The following SPAG6 variants were observed in gnomAD, a reference collection of about 807,000 sequenced individuals.
SPAG6 encodes the protein sperm-associated antigen 6.
A neutral mutation model predicts 58.5 loss-of-function variants in SPAG6; 49 were observed. The observed-to-expected ratio is 0.84, with a 90% confidence interval of 0.67 to 1.06. SPAG6 has a LOEUF of 1.06. Ranked by LOEUF, SPAG6 falls within the 50% of genes least tolerant of loss-of-function variation. SPAG6 has a pLI of 0.00. For missense variants in SPAG6, 560 were observed against 611.3 expected, an observed-to-expected ratio of 0.92 and a Z score of 0.89; for synonymous variants, 233 against 225.6, an observed-to-expected ratio of 1.03 and a Z score of -0.29.
chr10:22,404,738 T>C (rs1171079422), intron 9 of SPAG6, among the ~76,000 whole-genome samples: 1 of 145,040 alleles, frequency 6.9e-6, no homozygotes, highest in East Asian at 2.0e-4. Context: ...GTATGGCCAT[T>C]TTCACAATAT....
intron 2 of SPAG6, among the ~76,000 whole-genome samples, chr10:22,350,106 CTT>C (rs754220965): frequency 4.2e-5 from 6 of 142,752 alleles, no homozygotes; most frequent in Non-Finnish European, 6.2e-5. Context: ...TTAAATTTGA[CTT>C]TTTTTTTTTT....
rs561154330 is a variant in SPAG6 at position 22,354,534 on chromosome 10, A to G, written c.121+8716A>G. 1.0e-3 allele frequency among the ~76,000 whole-genome samples: 153 copies of G among 152,336 alleles called. 1 individual carries two copies. Among genetic ancestry groups the G allele is most frequent in the Non-Finnish European group, 1.1e-3 (76 of 68,024 alleles). On this transcript the variant is annotated intron_variant, in intron 2 of 10. Coordinates refer to ENST00000376624, the MANE Select transcript of SPAG6 (RefSeq NM_012443.4). ...AGAAAGATTTGGATATGTGGAACTA[A>G]CATGTTAATTTGAAAACTATATTAA...
At chr10:22,378,150 G>A (rs531890027) in intron 4 of SPAG6, among the ~76,000 whole-genome samples, 32 of 139,204 alleles carry the variant, frequency 2.3e-4, no homozygotes, top group African/African-American at 7.5e-4. Flanking sequence ...TGCAACCTCC[G>A]CCTCCTGGGT....
chr10:22,365,301 C>T (rs1364060702), intron 3 of SPAG6, among the ~76,000 whole-genome samples: 6 of 152,124 alleles, frequency 3.9e-5, no homozygotes, highest in Admixed American at 1.3e-4. Context: ...ACAAAGCTAT[C>T]GGATCTGTCT....
At chr10:22,388,506 G>A (rs1834117403) in intron 6 of SPAG6, among the ~76,000 whole-genome samples, 1 of 152,098 alleles carries the variant, frequency 6.6e-6, no homozygotes, top group Non-Finnish European at 1.5e-5. Flanking sequence ...GGCCTACTGT[G>A]ACCACTCCAG....
chr10:22,397,286 T>C (rs761671151), intron 8 of SPAG6, among the ~76,000 whole-genome samples: 3 of 152,120 alleles, frequency 2.0e-5, no homozygotes, highest in Non-Finnish European at 2.9e-5. Flanking sequence ...AAGATCAATA[T>C]ACAGAAATCA....
At chr10:22,402,243 G>A (rs1398249140) in intron 9 of SPAG6, among the ~76,000 whole-genome samples, 1 of 151,894 alleles carries the variant, frequency 6.6e-6, no homozygotes, top group Non-Finnish European at 1.5e-5. Flanking sequence ...TTGTATTTAA[G>A]AAATAAAACA....
At chr10:22,390,013 T>C (rs1834151489) in intron 7 of SPAG6, among the ~76,000 whole-genome samples, 1 of 152,126 alleles carries the variant, frequency 6.6e-6, no homozygotes, top group African/African-American at 2.4e-5. Flanking sequence ...CCCTCTGGGG[T>C]GTGGGTTTCT....
Position 22,411,182 on chromosome 10 carries a change from G to A in SPAG6, c.1460+6G>A, listed in dbSNP as rs1588566850. On this transcript the variant is annotated splice_donor_region_variant and intron_variant, in intron 10 of 10. Transcript: ENST00000376624. ...TACCCCGAGGAAATAGTGAGGTGGG[G>A]AAAATGGACTTTGAAACGTTCAATA... The A allele has an allele frequency of 6.3e-7, 1 of 1,598,096 alleles. No homozygotes were observed. The highest frequency in any genetic ancestry group is 8.5e-7 in the Non-Finnish European group (1 of 1,173,250).
At position 22,356,339 on chromosome 10, in the gene SPAG6, A is replaced by C. The variant is rs569393159; in HGVS notation, c.122-8514A>C. Among the ~76,000 whole-genome samples the C allele has an allele frequency of 1.8e-4, 27 of 152,350 alleles. 1 individual carries two copies. The South Asian group carries it at 5.6e-3, about 32-fold the overall frequency. Reference sequence around the variant, plus strand: ...ATTTATATCAATCTATGTGAACGGCATTCCTTCGATTTGTGCAGTACGCAT... The same window carrying C: ...ATTTATATCAATCTATGTGAACGGCCTTCCTTCGATTTGTGCAGTACGCAT... On this transcript the variant is annotated intron_variant, in intron 2 of 10. Transcript: ENST00000376624.
chr10:22,371,795 C>A (rs1833703610), intron 4 of SPAG6, among the ~76,000 whole-genome samples: 1 of 152,118 alleles, frequency 6.6e-6, no homozygotes, highest in Non-Finnish European at 1.5e-5. Context: ...ATGGGCATTA[C>A]CTGACTTTTC....
intron 8 of SPAG6, among the ~76,000 whole-genome samples, chr10:22,396,767 C>A (rs1813887733): frequency 1.3e-5 from 2 of 152,068 alleles, no homozygotes; most frequent in African/African-American, 2.4e-5. Flanking sequence ...AGGGAGGATA[C>A]AGTCAGTTTT....
intron 4 of SPAG6, among the ~76,000 whole-genome samples, chr10:22,384,738 A>G (rs900308553): frequency 6.6e-6 from 1 of 152,198 alleles, no homozygotes; most frequent in African/African-American, 2.4e-5. Context: ...CACATTTAAC[A>G]TTGCTACTCT....
chr10:22,362,247 A>G (rs1837066474), intron 2 of SPAG6, among the ~76,000 whole-genome samples: 1 of 148,820 alleles, frequency 6.7e-6, no homozygotes, highest in South Asian at 2.1e-4. Flanking sequence ...TTCCCCCCCA[A>G]AACAAAATAA....
intron 6 of SPAG6, 59 bp from the exon 7 acceptor site, chr10:22,389,101 A>G (rs1226380430): frequency 6.8e-7 from 1 of 1,474,108 alleles, no homozygotes; most frequent in East Asian, 2.3e-5. Flanking sequence ...GCAATATTAA[A>G]CTGTATTTAA....
intron 2 of SPAG6, chr10:22,346,062 A>C: frequency 6.5e-7 from 1 of 1,529,300 alleles, no homozygotes; most frequent in Non-Finnish European, 8.8e-7. Context: ...TGTCAGGTTG[A>C]AAGTCGAGGC....
Position 22,403,403 on chromosome 10 carries a change from C to T in SPAG6, c.1314+2126C>T, listed in dbSNP as rs185279586. Among the ~76,000 whole-genome samples, 9 of 151,908 alleles carry T rather than the reference C, an allele frequency of 5.9e-5. No individual in the cohort carries two copies. The South Asian group carries it at 6.3e-4, about 11-fold the overall frequency. The stretch of plus-strand genomic sequence containing the variant: ...TGCGGTGTTTGGTTTTTTGTTCTTG[C>T]GATAGTTTACTGAGAATGATGATTT... On this transcript the variant is annotated intron_variant, in intron 9 of 10. Transcript: ENST00000376624.
In SPAG6 at chr10:22,411,137, T is replaced by C. The variant is rs1834722495; in HGVS notation, c.1421T>C (p.Ile474Thr). ...AEPGSLLQEY[I>T]NSINSCYPEE... ...CCTGGTTCTCTCCTTCAAGAATACA[T>C]CAACAGTATTAACAGTTGTTACCCC... Residue 474 changes from isoleucine to threonine, a missense_variant, in exon 10 of 11, where the codon ATC (isoleucine) becomes ACC (threonine). Ile to Thr is a moderately conservative substitution (Grantham distance 89). Coordinates refer to ENST00000376624, the MANE Select transcript of SPAG6 (RefSeq NM_012443.4). 6.2e-7 allele frequency: 1 copy of C among 1,613,652 alleles called. No homozygotes were observed. Among genetic ancestry groups the C allele is most frequent in the Non-Finnish European group, 8.5e-7 (1 of 1,179,684 alleles).
chr10:22,400,680 C>T (rs760005501), intron 8 of SPAG6, among the ~76,000 whole-genome samples: 5 of 151,992 alleles, frequency 3.3e-5, no homozygotes, highest in Non-Finnish European at 7.4e-5. Flanking sequence ...TTGAATAATG[C>T]ACACTGTAGC....
Sources: allele counts gnomAD v4.1 joint callset (sites outside exome capture counted in the v4.1 genomes callset), GRCh38; gene constraint gnomAD v4.1.1; transcripts MANE v1.5; gene names NCBI Gene and HGNC (gene_info 2026-07-23, HGNC 2026-07-21).